Variants in LTAP1 observed in about 807,000 individuals in gnomAD.
LTAP1 encodes lipid transport auxiliary protein 1, also known as HCV NS5A-transactivated protein 4.
chr1:154,220,168 G>A, the LTAP1 span: 1 of 846,342 alleles, frequency 1.2e-6, no homozygotes, highest in Non-Finnish European at 1.9e-6. Context: ...AGACTAACGA[G>A]GGCGGGTCGG....
the LTAP1 span, chr1:154,211,801 A>AAAAATGCACACAAGG: frequency 2.6e-5 from 4 of 154,778 alleles, no homozygotes; most frequent in African/African-American, 4.8e-5. Flanking sequence ...TGCACACAAG[A>AAAAATGCACACAAGG]AAAATGCTAG....
chr1:154,211,324 CTTTTTTTTTTTTTT>C, the LTAP1 span, among the ~76,000 whole-genome samples: 15 of 34,030 alleles, frequency 4.4e-4, no homozygotes, highest in South Asian at 2.5e-3. Flanking sequence ...TTATTTAATT[CTTTTTTTTTTTTTT>C]TTTTTTTTTT....
At chr1:154,213,665 C>T in the LTAP1 span, among the ~76,000 whole-genome samples, 1 of 152,150 alleles carries the variant, frequency 6.6e-6, no homozygotes, top group African/African-American at 2.4e-5. Context: ...CTAAAGGTCT[C>T]AAGAGAAGAA....
the LTAP1 span, chr1:154,219,949 G>T: frequency 2.5e-6 from 4 of 1,572,772 alleles, no homozygotes; most frequent in Non-Finnish European, 3.4e-6. Context: ...TGTCCAAAAA[G>T]ATGTAAAAAT....
the LTAP1 span, among the ~76,000 whole-genome samples, chr1:154,216,089 G>A: frequency 4.6e-5 from 7 of 151,928 alleles, 1 homozygote; most frequent in Non-Finnish European, 8.8e-5. Context: ...CACCCGCCTC[G>A]GCCTCCCAAA....
At chr1:154,206,913 T>C in the LTAP1 span, 2 of 155,530 alleles carry the variant, frequency 1.3e-5, no homozygotes, top group Admixed American at 1.3e-4. Context: ...TCAGGAAAGC[T>C]GCAACACATC....
At chr1:154,219,987 G>T in the LTAP1 span, 3,693 of 1,207,814 alleles carry the variant, frequency 3.1e-3, 67 homozygotes, top group African/African-American at 0.038. Context: ...GTTTTGTTTT[G>T]TTTTTTTTTT....
the LTAP1 span, chr1:154,220,222 A>T: frequency 8.2e-7 from 1 of 1,223,416 alleles, no homozygotes; most frequent in Non-Finnish European, 1.2e-6. Context: ...TGGAATAAGG[A>T]GTCAAAGCCC....
chr1:154,219,785 G>C, the LTAP1 span: 2 of 1,315,978 alleles, frequency 1.5e-6, no homozygotes, highest in Non-Finnish European at 2.1e-6. Context: ...TCTCATTCTT[G>C]ACCCTAAAAG....
At chr1:154,214,402 G>A in the LTAP1 span, 3 of 1,173,928 alleles carry the variant, frequency 2.6e-6, no homozygotes, top group Admixed American at 3.7e-5. Context: ...GAGAGAAAAG[G>A]AATTCTGGAC....
chr1:154,212,671 T>G, the LTAP1 span: 1 of 1,606,314 alleles, frequency 6.2e-7, no homozygotes, highest in South Asian at 1.1e-5. Context: ...TCTTTAGTCT[T>G]TTTTTTTGAG....
the LTAP1 span, among the ~76,000 whole-genome samples, chr1:154,215,923 C>T: frequency 2.6e-5 from 4 of 151,618 alleles, no homozygotes; most frequent in South Asian, 4.2e-4. Flanking sequence ...CTGCAAGCTC[C>T]GCCTCCCGGG....
At chr1:154,220,091 G>A in the LTAP1 span, 2 of 747,166 alleles carry the variant, frequency 2.7e-6, no homozygotes, top group East Asian at 2.7e-5. Flanking sequence ...TTATGATGGG[G>A]GTGGATCTAA....
At chr1:154,215,042 A>G in the LTAP1 span, among the ~76,000 whole-genome samples, 1 of 151,786 alleles carries the variant, frequency 6.6e-6, no homozygotes, top group Non-Finnish European at 1.5e-5. Flanking sequence ...ATGGGGTTTC[A>G]CCATGTTGGC....
At chr1:154,213,747 A>G in the LTAP1 span, 1 of 583,714 alleles carries the variant, frequency 1.7e-6, no homozygotes, top group Admixed American at 2.9e-5. Context: ...CAAAATCTCT[A>G]ATCTAGTACT....
the LTAP1 span, chr1:154,219,997 T>TAA: frequency 1.5e-6 from 2 of 1,353,218 alleles, no homozygotes; most frequent in Non-Finnish European, 2.0e-6. Flanking sequence ...GTTTTTTTTT[T>TAA]AAAAAAGCAT....
the LTAP1 span, chr1:154,220,401 A>G: frequency 4.3e-6 from 7 of 1,614,228 alleles, no homozygotes; most frequent in South Asian, 7.7e-5. Context: ...TTACTGCCGG[A>G]CGCCATGGCC....
chr1:154,220,457 C>A, the LTAP1 span: 2 of 1,610,208 alleles, frequency 1.2e-6, no homozygotes, highest in Non-Finnish European at 1.7e-6. Flanking sequence ...GCTGTCCTGG[C>A]TGGTCAGCCC....
the LTAP1 span, chr1:154,220,176 C>G: frequency 1.6e-5 from 14 of 886,872 alleles, no homozygotes; most frequent in Non-Finnish European, 2.6e-5. Context: ...GAGGGCGGGT[C>G]GGCCCGACTA....
Sources: allele counts gnomAD v4.1 joint callset (sites outside exome capture counted in the v4.1 genomes callset), GRCh38; gene constraint gnomAD v4.1.1; transcripts MANE v1.5; gene names NCBI Gene and HGNC (gene_info 2026-07-23, HGNC 2026-07-21).